The following RBM44 variants were observed in gnomAD, a reference collection of about 807,000 sequenced individuals.
The protein encoded by RBM44 is RNA-binding protein 44.
In RBM44, 66 loss-of-function variants were observed where a neutral mutation model predicts 105.1. The observed-to-expected ratio is 0.63, with a 90% confidence interval of 0.52 to 0.77. The LOEUF (loss-of-function observed/expected upper bound fraction) is 0.77. Ranked by LOEUF, RBM44 falls within the 30% of genes least tolerant of loss-of-function variation. RBM44 has a pLI of 0.00. For synonymous variants in RBM44, 365 were observed against 417.6 expected (o/e 0.87, Z 1.54); for missense variants, 1,122 against 1,207.8 (o/e 0.93, Z 1.05).
At chr2:237,820,589 A>G (rs952340794) in intron 5 of RBM44, 6 of 331,718 alleles carry the variant, frequency 1.8e-5, no homozygotes, top group Non-Finnish European at 3.2e-5. Flanking sequence ...ATAAAGTTCA[A>G]GTAAGGATGA....
At chr2:237,840,826 G>C (rs1474356997) in intron 15 of RBM44, among the ~76,000 whole-genome samples, 1 of 152,126 alleles carries the variant, frequency 6.6e-6, no homozygotes, top group Non-Finnish European at 1.5e-5. Flanking sequence ...AAAATGCTCA[G>C]TATCACTAAT....
intron 1 of RBM44, among the ~76,000 whole-genome samples, chr2:237,809,033 T>C: frequency 6.6e-6 from 1 of 152,196 alleles, no homozygotes; most frequent in East Asian, 1.9e-4. Flanking sequence ...GTTGGAAGAA[T>C]TTCAATTCTC....
At chr2:237,823,599 A>C in intron 9 of RBM44, 45 bp downstream of exon 9, 1 of 877,266 alleles carries the variant, frequency 1.1e-6, no homozygotes, top group East Asian at 2.7e-5. Flanking sequence ...TGGAAAACAA[A>C]ATAAGGTTTA....
At chr2:237,821,034 T>G in intron 5 of RBM44, 37 bp from the exon 6 acceptor site, 4 of 1,484,950 alleles carry the variant, frequency 2.7e-6, no homozygotes, top group Non-Finnish European at 3.6e-6. Flanking sequence ...GACTTAGGCC[T>G]AAATAATTTA....
chr2:237,800,795 C>T (rs138033092), intron 1 of RBM44, among the ~76,000 whole-genome samples: 9 of 148,494 alleles, frequency 6.1e-5, no homozygotes, highest in East Asian at 4.0e-4. Flanking sequence ...GGCATGATCT[C>T]GGCTCACTGC....
chr2:237,832,766 T>C (rs1297339606), intron 13 of RBM44, among the ~76,000 whole-genome samples: 1 of 152,230 alleles, frequency 6.6e-6, no homozygotes, highest in Admixed American at 6.5e-5. Flanking sequence ...TTGTCTACAA[T>C]GAGAAGCAGA....
rs749253241 is a variant in RBM44, at chr2:237,829,424, C to G, written c.2808C>G (p.Phe936Leu). 61 of 1,613,610 alleles carry G rather than the reference C, an allele frequency of 3.8e-5. No homozygotes were observed. Among genetic ancestry groups the G allele is most frequent in the Admixed American group, 1.7e-5 (1 of 59,970 alleles). ...KSTNKQIHSE[F>L]SISRLPRTRP... is the part of the protein sequence containing the mutation. The stretch of plus-strand genomic sequence containing the variant: ...CCAACAAACAAATCCACTCAGAATT[C>G]TCCATTTCTAGATTGCCCAGAACTA... The change falls in exon 13 of 16, where the codon TTC becomes TTG. Residue 936 changes from phenylalanine (F) to leucine (L), a missense_variant. Transcript: ENST00000316997.
chr2:237,815,745 C>A (rs2061708185), intron 2 of RBM44, among the ~76,000 whole-genome samples: 1 of 151,624 alleles, frequency 6.6e-6, no homozygotes, highest in South Asian at 2.1e-4. Flanking sequence ...TTTTGAAAAC[C>A]ACTGCTCTCT....
Position 237,834,003 on chromosome 2 carries a change from A to G in RBM44, c.2893A>G (p.Lys965Glu). Residue 965 changes from lysine (K) to glutamate (E), a missense_variant, in exon 14 of 16, where the codon AAG (lysine) becomes GAG (glutamate). By Grantham distance (56) the Lys-to-Glu change is moderately conservative (BLOSUM62 1). Around this residue, in one of 3 missense-constraint regions of RBM44, gnomAD observed 194 missense variants for 225.5 expected, o/e 0.86. Transcript: ENST00000316997. The stretch of plus-strand genomic sequence containing the variant: ...TTTTTAAATGCTTATTTAGGGTGTC[A>G]AGAAGAATTGTAAGCAGATTGAATC... ...SEVFPSDQGV[K>E]KNCKQIESAK... is the part of the protein sequence containing the mutation. 6.5e-7 allele frequency: 1 copy of G among 1,527,226 alleles called. No homozygotes were observed. The highest frequency in any genetic ancestry group is 2.3e-5 in the East Asian group (1 of 43,268). 94.6% of individuals were successfully genotyped at this position (1,527,226 alleles called of 1,614,324 possible). A position where few individuals can be genotyped will look rare whatever the true frequency, so the allele number is the denominator to read the frequency against.
At chr2:237,822,753 C>T (rs968455271) in intron 8 of RBM44, among the ~76,000 whole-genome samples, 9 of 140,534 alleles carry the variant, frequency 6.4e-5, no homozygotes, top group Non-Finnish European at 1.2e-4. Context: ...AAAGATATAA[C>T]GTAGTTTTAT....
intron 13 of RBM44, among the ~76,000 whole-genome samples, chr2:237,831,248 G>C (rs935687388): frequency 1.5e-5 from 2 of 136,622 alleles, no homozygotes; most frequent in Admixed American, 7.3e-5. Flanking sequence ...TTTTTTGGGG[G>C]GGGGGGGGTT....
At position 237,834,285 on chromosome 2, in the gene RBM44, A is replaced by G. The variant is rs777725677; in HGVS notation, c.3040A>G (p.Ile1014Val). The change falls in exon 15 of 16, where the codon ATT becomes GTT. Residue 1014 changes from isoleucine to valine, a missense_variant. Around this residue, in one of 3 missense-constraint regions of RBM44, gnomAD observed 194 missense variants for 225.5 expected, o/e 0.86. Transcript: ENST00000316997. ...ELHPEVSRDH[I>V]INALQEVRIR... ...TGTTTTCCTTTTTCATAGAGACCAT[A>G]TTATAAATGCACTTCAGGAAGTGAG... 26 of 1,577,958 alleles carry G rather than the reference A, an allele frequency of 1.6e-5. No homozygotes were observed. The East Asian group carries it at 2.5e-4, about 15-fold the overall frequency.
At chr2:237,802,947 C>A (rs577874853) in intron 1 of RBM44, among the ~76,000 whole-genome samples, 1 of 152,346 alleles carries the variant, frequency 6.6e-6, no homozygotes, top group East Asian at 1.9e-4. Flanking sequence ...CACATCCTCA[C>A]CAATATCTGG....
chr2:237,826,968 T>G (rs948552256), intron 10 of RBM44, among the ~76,000 whole-genome samples: 2 of 152,086 alleles, frequency 1.3e-5, no homozygotes, highest in Admixed American at 1.3e-4. Context: ...TTACAGTAAT[T>G]GATTACTTTG....
Position 237,832,721 on chromosome 2 carries a change from A to G in RBM44, c.2887-1276A>G, listed in dbSNP as rs528172879. ...CCTTGTTCTTTTTCTGATTCTCAAC[A>G]TTATTATTTATTCTATTCATTTAGA... On this transcript the variant is annotated intron_variant, in intron 13 of 15. Coordinates refer to ENST00000316997, the MANE Select transcript of RBM44 (RefSeq NM_001080504.3). Among the ~76,000 whole-genome samples the G allele has an allele frequency of 9.2e-5, 14 of 152,288 alleles. No individual in the cohort carries two copies. The South Asian group carries it at 2.3e-3, about 25-fold the overall frequency.
In RBM44 at chr2:237,820,367, A is replaced by G. The variant is rs1443520199; in HGVS notation, c.1913+16A>G. ...GATTAAATATGTGTTTATTAATTTC[A>G]AATCTGTTTTTTCTTAGAAATGTGT... On this transcript the variant is annotated intron_variant, in intron 5 of 15. Coordinates refer to ENST00000316997, the MANE Select transcript of RBM44 (RefSeq NM_001080504.3). 1 of 1,478,432 alleles carries G rather than the reference A, an allele frequency of 6.8e-7. No individual in the cohort carries two copies. The highest frequency in any genetic ancestry group is 2.1e-5 in the Admixed American group (1 of 47,822). 91.6% of individuals were successfully genotyped at this position (1,478,432 alleles called of 1,614,324 possible). A position where few individuals can be genotyped will look rare whatever the true frequency, so the allele number is the denominator to read the frequency against.
At chr2:237,833,936 G>A in intron 13 of RBM44, 61 bp from the exon 14 acceptor site, 1 of 822,612 alleles carries the variant, frequency 1.2e-6, no homozygotes, top group Non-Finnish European at 1.7e-6. Flanking sequence ...TGAATAAGCG[G>A]TATTATCTTT....
Position 237,842,630 on chromosome 2 carries a change from A to G in RBM44, c.*814A>G, listed in dbSNP as rs567267307. 1.1e-3 allele frequency: 160 copies of G among 152,238 alleles called. No homozygotes were observed. Among genetic ancestry groups the G allele is most frequent in the African/African-American group, 3.7e-3 (155 of 41,566 alleles). The allele number at this position is 152,238 out of a possible 1,614,324, so 9.4% of individuals were successfully genotyped here. ...TAATTGCTTACTTTTTAAAAGTAAT[A>G]TAATATTTAAGTTGCATTTTTATTA... On this transcript the variant is annotated 3_prime_UTR_variant, in exon 16 of 16. Transcript: ENST00000316997.
chr2:237,809,294 G>C (rs988246000), intron 1 of RBM44, among the ~76,000 whole-genome samples: 2 of 151,878 alleles, frequency 1.3e-5, no homozygotes, highest in Admixed American at 1.3e-4. Flanking sequence ...CTCTTTGTTT[G>C]CAATAATTTT....
Sources: allele counts gnomAD v4.1 joint callset (sites outside exome capture counted in the v4.1 genomes callset), GRCh38; gene constraint gnomAD v4.1.1; regional missense constraint gnomAD v4.1.1; transcripts MANE v1.5; gene names NCBI Gene and HGNC (gene_info 2026-07-23, HGNC 2026-07-21).